BAG2: variants seen among roughly 807,000 people sequenced by gnomAD.
BAG2 encodes the protein BAG cochaperone 2.
In BAG2, 8 loss-of-function variants were observed where a neutral mutation model predicts 16.4. The ratio of observed to expected loss-of-function variants is 0.49; its 90% CI spans 0.29 to 0.88. The LOEUF is 0.88. BAG2 is among the 40% of genes least tolerant of loss of function. The pLI is 0.09. For missense variants in BAG2, 218 were observed against 248.9 expected (o/e 0.88, Z 0.84); for synonymous variants, 82 against 89.2 (o/e 0.92, Z 0.46).
In BAG2 at chr6:57,179,744, T is replaced by C. The variant is rs148719629; in HGVS notation, c.114-2288T>C. Reference sequence around the variant, plus strand: ...ATATATTTCTTTATTTTGCCCTTATTCCACAGCTTAGTTTTTTAGTGACTG... The same window carrying C: ...ATATATTTCTTTATTTTGCCCTTATCCCACAGCTTAGTTTTTTAGTGACTG... On this transcript the variant is annotated intron_variant, in intron 1 of 2. Transcript: ENST00000370693. Among the ~76,000 whole-genome samples the C allele has an allele frequency of 3.9e-5, 6 of 152,234 alleles. No homozygotes were observed. In the East Asian group the frequency reaches 1.2e-3, roughly 29 times the overall value.
rs906673617 is a variant in BAG2 at position 57,188,001 on chromosome 6, G to A, written c.*3811G>A. The A allele has an allele frequency of 1.3e-5, 2 of 152,112 alleles. No individual in the cohort carries two copies. Among genetic ancestry groups the A allele is most frequent in the Non-Finnish European group, 2.9e-5 (2 of 68,016 alleles). The allele number at this position is 152,112 out of a possible 1,614,324, so 9.4% of individuals were successfully genotyped here. Reference sequence around the variant, plus strand: ...TAGACAGAGACTGGAAAAGGAAAAGGAAACCTGAGGAACTCTGAAATATGG... The same window carrying A: ...TAGACAGAGACTGGAAAAGGAAAAGAAAACCTGAGGAACTCTGAAATATGG... On this transcript the variant is annotated 3_prime_UTR_variant, in exon 3 of 3. Transcript: ENST00000370693.
Position 57,172,678 on chromosome 6 carries a change from A to G in BAG2, c.-20A>G. The G allele has an allele frequency of 6.6e-7, 1 of 1,511,312 alleles. No individual in the cohort carries two copies. The highest frequency in any genetic ancestry group is 8.9e-7 in the Non-Finnish European group (1 of 1,127,224). 93.6% of individuals were successfully genotyped at this position (1,511,312 alleles called of 1,614,324 possible). A position where few individuals can be genotyped will look rare whatever the true frequency, so the allele number is the denominator to read the frequency against. ...CGGAGGGGCCGGTGACCTCTTGGCT[A>G]CCCCGCGTCGGAGGCTTAGATGGCT... is the stretch of plus-strand genomic sequence containing the variant. On this transcript the variant is annotated 5_prime_UTR_variant, in exon 1 of 3. Transcript: ENST00000370693.
rs754046018 is a variant in BAG2 at position 57,184,007 on chromosome 6, T to G, written c.453T>G (p.Val151=). The G allele has an allele frequency of 5.6e-6, 9 of 1,612,860 alleles. No individual in the cohort carries two copies. ...CATCTGAGGTGCCACATGGGCCAGTTGATCAGAAGTTTCAATCCATAGTAA... is the reference window on the plus strand; with the variant it reads ...CATCTGAGGTGCCACATGGGCCAGTGGATCAGAAGTTTCAATCCATAGTAA... The part of the protein sequence containing the change: ...ACSSEVPHGP[V]DQKFQSIVIG... The change falls in exon 3 of 3, where the codon GTT becomes GTG. Residue 151 remains valine (V), a synonymous_variant. Coordinates refer to ENST00000370693, the MANE Select transcript of BAG2 (RefSeq NM_004282.4).
chr6:57,182,745 G>T (rs1384556398), intron 2 of BAG2, among the ~76,000 whole-genome samples: 3 of 152,090 alleles, frequency 2.0e-5, no homozygotes, highest in Admixed American at 2.0e-4. Context: ...CTGCCTCCTG[G>T]GTTGAAGCGA....
In BAG2 at chr6:57,187,936, T is replaced by C. The variant is rs536732780; in HGVS notation, c.*3746T>C. The C allele has an allele frequency of 6.6e-6, 1 of 152,276 alleles. No individual in the cohort carries two copies. The highest frequency in any genetic ancestry group is 2.4e-5 in the African/African-American group (1 of 41,540). 9.4% of individuals were successfully genotyped at this position (152,276 alleles called of 1,614,324 possible). On this transcript the variant is annotated 3_prime_UTR_variant, in exon 3 of 3. Transcript: ENST00000370693. Reference sequence around the variant, plus strand: ...CATTTAACCTGGTTTTATTTAACTATATTGCCTTATATGGGTCATTCTATA... The same window carrying C: ...CATTTAACCTGGTTTTATTTAACTACATTGCCTTATATGGGTCATTCTATA...
rs923317569 is a variant in BAG2 at position 57,172,648 on chromosome 6, G to A, written c.-50G>A. The A allele has an allele frequency of 1.4e-6, 2 of 1,413,972 alleles. No homozygotes were observed. Among genetic ancestry groups the A allele is most frequent in the Non-Finnish European group, 1.9e-6 (2 of 1,065,994 alleles). The allele number at this position is 1,413,972 out of a possible 1,614,324, so 87.6% of individuals were successfully genotyped here. A position where few individuals can be genotyped will look rare whatever the true frequency, so the allele number is the denominator to read the frequency against. On this transcript the variant is annotated 5_prime_UTR_variant, in exon 1 of 3. Coordinates refer to ENST00000370693, the MANE Select transcript of BAG2 (RefSeq NM_004282.4). The stretch of plus-strand genomic sequence containing the variant: ...CAGCCCAAGGAGCGCTCCACTCGCT[G>A]CCGCCGGAGGGGCCGGTGACCTCTT...
At position 57,186,103 on chromosome 6, in the gene BAG2, GTTTTTTGT is replaced by G. The variant is rs772858198; in HGVS notation, c.*1927_*1934del. On this transcript the variant is annotated 3_prime_UTR_variant, in exon 3 of 3. Transcript: ENST00000370693. ...TAAAGGGCAGGGAATCTCCAGTGTG[GTTTTTTGT>G]TTTTTTGTTTTTTGTTTTGGAGTCT... 2.6e-5 allele frequency: 4 copies of G among 152,464 alleles called. No homozygotes were observed. Among genetic ancestry groups the G allele is most frequent in the South Asian group, 2.1e-4 (1 of 4,806 alleles). The allele number at this position is 152,464 out of a possible 1,614,324, so 9.4% of individuals were successfully genotyped here.
Position 57,172,616 on chromosome 6 carries a change from A to G in BAG2, c.-82A>G, listed in dbSNP as rs2127991543. ...GGCGGGCGCCCGCGTGGTGACGGCG[A>G]CGCCTGCAGCCCAAGGAGCGCTCCA... On this transcript the variant is annotated 5_prime_UTR_variant, in exon 1 of 3. Coordinates refer to ENST00000370693, the MANE Select transcript of BAG2 (RefSeq NM_004282.4). 8.4e-7 allele frequency: 1 copy of G among 1,193,938 alleles called. No homozygotes were observed. Among genetic ancestry groups the G allele is most frequent in the Non-Finnish European group, 1.1e-6 (1 of 906,776 alleles). The allele number at this position is 1,193,938 out of a possible 1,614,324, so 74.0% of individuals were successfully genotyped here.
At chr6:57,182,209 G>A (rs1764468568) in intron 2 of BAG2, 68 bp downstream of exon 2, 2 of 1,431,718 alleles carry the variant, frequency 1.4e-6, no homozygotes, top group South Asian at 2.4e-5. Flanking sequence ...ATAAGTGTGG[G>A]TCAATTTTTG....
At chr6:57,183,026 C>T (rs771440934) in intron 2 of BAG2, among the ~76,000 whole-genome samples, 2 of 152,160 alleles carry the variant, frequency 1.3e-5, no homozygotes, top group Non-Finnish European at 2.9e-5. Flanking sequence ...CACTGGACTT[C>T]CTACTTGGGC....
At chr6:57,173,120 G>C in intron 1 of BAG2, 1 of 1,044,390 alleles carries the variant, frequency 9.6e-7, no homozygotes, top group Non-Finnish European at 1.2e-6. Flanking sequence ...GGAGATAAAA[G>C]TTACAGTGAG....
At position 57,172,850 on chromosome 6, in the gene BAG2, GCGCGGGCGGTT is replaced by G. The variant is rs775771837; in HGVS notation, c.113+52_113+62del. 1.6e-4 allele frequency: 225 copies of G among 1,412,094 alleles called. 4 individuals carry two copies. In the South Asian group the frequency reaches 2.4e-3, roughly 15 times the overall value. The allele number at this position is 1,412,094 out of a possible 1,614,324, so 87.5% of individuals were successfully genotyped here. On this transcript the variant is annotated intron_variant, in intron 1 of 2. Coordinates refer to ENST00000370693, the MANE Select transcript of BAG2 (RefSeq NM_004282.4). Reference sequence around the variant, plus strand: ...GGCGGTCTCGGGCGTTCTGCTCGCCGCGCGGGCGGTTCGCGGGCGGTTAGCGGACGGAGGCC... The same window carrying G: ...GGCGGTCTCGGGCGTTCTGCTCGCCGCGCGGGCGGTTAGCGGACGGAGGCC...
chr6:57,184,331 A>G lies in BAG2; in HGVS notation c.*141A>G, dbSNP rs1764559211. ...TTTCAGATGAGGAAAATATTCCATC[A>G]AGTATCTTCAGTTTTGTGAATAACA... On this transcript the variant is annotated 3_prime_UTR_variant, in exon 3 of 3. Transcript: ENST00000370693. The G allele has an allele frequency of 1.4e-6, 1 of 722,304 alleles. No homozygotes were observed. The highest frequency in any genetic ancestry group is 2.0e-6 in the Non-Finnish European group (1 of 502,146). 44.7% of individuals were successfully genotyped at this position (722,304 alleles called of 1,614,324 possible).
intron 1 of BAG2, among the ~76,000 whole-genome samples, chr6:57,178,551 A>G (rs1409579932): frequency 6.6e-6 from 1 of 152,204 alleles, no homozygotes; most frequent in Non-Finnish European, 1.5e-5. Context: ...CCCAGTAGAC[A>G]AGGGTCAGGG....
rs1307079551 is a variant in BAG2, at chr6:57,189,144, C to T, written c.*4954C>T. The T allele has an allele frequency of 1.3e-5, 2 of 152,040 alleles. No individual in the cohort carries two copies. Among genetic ancestry groups the T allele is most frequent in the African/African-American group, 4.8e-5 (2 of 41,388 alleles). The allele number at this position is 152,040 out of a possible 1,614,324, so 9.4% of individuals were successfully genotyped here. A position where few individuals can be genotyped will look rare whatever the true frequency, so the allele number is the denominator to read the frequency against. On this transcript the variant is annotated 3_prime_UTR_variant, in exon 3 of 3. Transcript: ENST00000370693. ...TTATCTTAGCTGGAAAGCTACTGTCCCAAGTGACAAAATTTATGTCCTGAC... is the reference window on the plus strand; with the variant it reads ...TTATCTTAGCTGGAAAGCTACTGTCTCAAGTGACAAAATTTATGTCCTGAC...
intron 1 of BAG2, chr6:57,173,224 A>T (rs986482437): frequency 1.6e-5 from 16 of 987,842 alleles, no homozygotes; most frequent in Non-Finnish European, 1.4e-5. Context: ...TCTTCTCGTT[A>T]TGCATTTTTT....
Position 57,184,406 on chromosome 6 carries a change from C to A in BAG2, c.*216C>A. 2.5e-6 allele frequency: 1 copy of A among 394,838 alleles called. No homozygotes were observed. The highest frequency in any genetic ancestry group is 4.4e-6 in the Non-Finnish European group (1 of 228,310). 24.5% of individuals were successfully genotyped at this position (394,838 alleles called of 1,614,324 possible). A position where few individuals can be genotyped will look rare whatever the true frequency, so the allele number is the denominator to read the frequency against. On this transcript the variant is annotated 3_prime_UTR_variant, in exon 3 of 3. Coordinates refer to ENST00000370693, the MANE Select transcript of BAG2 (RefSeq NM_004282.4). ...ATCTAGAGATTTTTTAGATTGAATT[C>A]TTGTCTTGTACTAGGATCTAGCATA...
chr6:57,173,132 T>G, intron 1 of BAG2: 15 of 1,018,070 alleles, frequency 1.5e-5, no homozygotes, highest in African/African-American at 1.7e-5. Flanking sequence ...TACAGTGAGA[T>G]TCCATGCGAT....
chr6:57,179,350 C>G (rs1764373788), intron 1 of BAG2, among the ~76,000 whole-genome samples: 1 of 152,128 alleles, frequency 6.6e-6, no homozygotes, highest in South Asian at 2.1e-4. Flanking sequence ...TTTACTGGCT[C>G]TTATAAACAC....
Sources: allele counts gnomAD v4.1 joint callset (sites outside exome capture counted in the v4.1 genomes callset), GRCh38; gene constraint gnomAD v4.1.1; transcripts MANE v1.5; gene names NCBI Gene and HGNC (gene_info 2026-07-23, HGNC 2026-07-21).